Variants in AFF3 observed in about 807,000 individuals in gnomAD.
AFF3 encodes AF4/FMR2 family member 3.
AFF3 carries 32 observed loss-of-function variants against 129.7 expected under a neutral mutation model. The observed-to-expected ratio is 0.25, with a 90% CI of 0.19 to 0.33. The LOEUF is 0.33. Ranked by LOEUF, AFF3 falls within the 10% of genes least tolerant of loss-of-function variation. AFF3 has a pLI of 1.00. For synonymous variants in AFF3, 644 were observed against 635.4 expected (o/e 1.01, Z -0.20); for missense variants, 1,373 against 1,592.0 (o/e 0.86, Z 2.34).
intron 16 of AFF3, among the ~76,000 whole-genome samples, chr2:99,585,125 G>C (rs544422730): frequency 6.6e-6 from 1 of 152,146 alleles, no homozygotes; most frequent in African/African-American, 2.4e-5. Context: ...AAGATAATGC[G>C]AACAGCCTGA....
At chr2:100,046,820 T>C (rs1208098290) in intron 4 of AFF3, among the ~76,000 whole-genome samples, 1 of 152,106 alleles carries the variant, frequency 6.6e-6, no homozygotes, top group Non-Finnish European at 1.5e-5. Context: ...GCAGGTACCG[T>C]CCCTCTTGTC....
chr2:99,875,502 GA>G (rs1230133536), intron 7 of AFF3, among the ~76,000 whole-genome samples: 2 of 152,136 alleles, frequency 1.3e-5, no homozygotes, highest in Non-Finnish European at 2.9e-5. Flanking sequence ...TCTGGGTAGA[GA>G]CCTTGCATTT....
chr2:100,102,315 T>A (rs2105478645), intron 4 of AFF3, among the ~76,000 whole-genome samples: 1 of 149,420 alleles, frequency 6.7e-6, no homozygotes, highest in South Asian at 2.1e-4. Flanking sequence ...TATAAGCTTT[T>A]GTAAAATGTA....
At position 99,582,812 on chromosome 2, in the gene AFF3, C is replaced by T. The variant is rs199884902; in HGVS notation, c.2779G>A (p.Gly927Ser). The T allele has an allele frequency of 2.9e-5, 47 of 1,614,084 alleles. No individual in the cohort carries two copies. The highest frequency in any genetic ancestry group is 2.9e-4 in the East Asian group (13 of 44,874). ...PKADSQLQPH[G>S]GDLTKAAHNN... ...CATCAACAAACCGTGAGGTCTCCGC[C>T]GTGAGGCTGCAGCTGGCTGTCGGCC... Residue 927 changes from glycine (G) to serine (S), a missense_variant, in exon 17 of 25, where the codon GGC becomes AGC. Coordinates refer to ENST00000672756, the MANE Select transcript of AFF3 (RefSeq NM_001386135.1).
intron 2 of AFF3, among the ~76,000 whole-genome samples, chr2:100,127,615 T>C (rs113215361): frequency 2.3e-3 from 352 of 152,290 alleles, no homozygotes; most frequent in Non-Finnish European, 3.6e-3. Flanking sequence ...AAACAACCCC[T>C]GAGAAGAGTA....
chr2:99,661,619 A>T (rs562851311), intron 12 of AFF3, among the ~76,000 whole-genome samples: 1 of 152,352 alleles, frequency 6.6e-6, no homozygotes, highest in East Asian at 1.9e-4. Flanking sequence ...ATTCGATGAG[A>T]AAATATTTTA....
intron 2 of AFF3, among the ~76,000 whole-genome samples, chr2:100,115,141 G>T (rs765142041): frequency 2.0e-5 from 3 of 152,164 alleles, no homozygotes; most frequent in Non-Finnish European, 4.4e-5. Context: ...CAATTGCATT[G>T]TAATCACAGA....
chr2:99,830,138 G>T (rs1369264390), intron 8 of AFF3, among the ~76,000 whole-genome samples: 1 of 152,136 alleles, frequency 6.6e-6, no homozygotes, highest in Admixed American at 6.5e-5. Context: ...GGAGGGCAAG[G>T]GAGGGAGAGC....
rs1037208095 is a variant in AFF3, at chr2:99,548,924, G to C, written c.*2550C>G. On this transcript the variant is annotated 3_prime_UTR_variant, in exon 25 of 25. Coordinates refer to ENST00000672756, the MANE Select transcript of AFF3 (RefSeq NM_001386135.1). ...CGTGCTCCACAGATGAAACAAGACA[G>C]TCATAAGAACTACACGCTCTGACCA... 4.3e-6 allele frequency: 1 copy of C among 232,330 alleles called. No individual in the cohort carries two copies. Among genetic ancestry groups the C allele is most frequent in the Non-Finnish European group, 8.5e-6 (1 of 117,550 alleles). The allele number at this position is 232,330 out of a possible 1,614,324, so 14.4% of individuals were successfully genotyped here. A position where few individuals can be genotyped will look rare whatever the true frequency, so the allele number is the denominator to read the frequency against.
At chr2:100,135,944 A>G (rs1253536075) in intron 1 of AFF3, among the ~76,000 whole-genome samples, 4 of 152,150 alleles carry the variant, frequency 2.6e-5, no homozygotes, top group Non-Finnish European at 4.4e-5. Flanking sequence ...CACAGATGGG[A>G]TTTGCTGATG....
At chr2:100,021,643 C>T (rs1403560878) in intron 4 of AFF3, among the ~76,000 whole-genome samples, 4 of 152,024 alleles carry the variant, frequency 2.6e-5, no homozygotes, top group African/African-American at 9.7e-5. Flanking sequence ...CTCAACAAAC[C>T]TCCTTATTTA....
Position 99,560,324 on chromosome 2 carries a change from C to T in AFF3, c.3191+41G>A, listed in dbSNP as rs200653867. ...CACCTGGTTTGCCAATGATGGCATG[C>T]GAGGCTGGGGCTGCTATTCTAAGCG... On this transcript the variant is annotated intron_variant, in intron 21 of 24. Transcript: ENST00000672756. 1.2e-4 allele frequency: 187 copies of T among 1,601,054 alleles called. No homozygotes were observed. In the East Asian group the frequency reaches 3.3e-3, roughly 28 times the overall value.
intron 7 of AFF3, among the ~76,000 whole-genome samples, chr2:99,856,295 T>G (rs1046204958): frequency 6.6e-6 from 1 of 152,138 alleles, no homozygotes; most frequent in African/African-American, 2.4e-5. Context: ...GAACCAGAAT[T>G]TTATTACACA....
At chr2:99,584,265 C>T (rs990071438) in intron 16 of AFF3, among the ~76,000 whole-genome samples, 22 of 151,414 alleles carry the variant, frequency 1.5e-4, no homozygotes, top group Admixed American at 4.6e-4. Context: ...GTCGGGAGTT[C>T]GAGACCAGCC....
chr2:99,985,504 T>C (rs547226913), intron 7 of AFF3, among the ~76,000 whole-genome samples: 1 of 152,072 alleles, frequency 6.6e-6, no homozygotes, highest in Non-Finnish European at 1.5e-5. Context: ...TGGAGTTAGA[T>C]CAGAGAAATA....
At chr2:99,640,266 T>C (rs896798047) in intron 13 of AFF3, among the ~76,000 whole-genome samples, 2 of 152,288 alleles carry the variant, frequency 1.3e-5, no homozygotes, top group African/African-American at 4.8e-5. Flanking sequence ...ACCCATACTC[T>C]GTTATCTTCT....
At chr2:99,786,451 A>G (rs1684798827) in intron 8 of AFF3, among the ~76,000 whole-genome samples, 1 of 152,208 alleles carries the variant, frequency 6.6e-6, no homozygotes, top group African/African-American at 2.4e-5. Context: ...GAATGTTCAG[A>G]TAAAATAAAG....
chr2:99,859,293 A>G (rs1244380701), intron 7 of AFF3, among the ~76,000 whole-genome samples: 1 of 152,158 alleles, frequency 6.6e-6, no homozygotes, highest in Admixed American at 6.5e-5. Context: ...CTAGAACCAC[A>G]TCCTTTTTAG....
chr2:100,132,392 A>T lies in AFF3; in HGVS notation c.-227-3086T>A, dbSNP rs541874512. ...ACACATTTTTGTCAATCAGAAAATA[A>T]CTCTAGAAACAACAAAACAAAGCCA... On this transcript the variant is annotated intron_variant, in intron 1 of 24. Transcript: ENST00000672756. Among the ~76,000 whole-genome samples the T allele has an allele frequency of 3.3e-5, 5 of 152,296 alleles. No individual in the cohort carries two copies. The East Asian group carries it at 9.6e-4, about 29-fold the overall frequency.
Sources: gnomAD v4.1 joint callset for allele counts (sites outside exome capture counted in the v4.1 genomes callset) on GRCh38, gnomAD v4.1.1 for gene constraint, MANE v1.5 for transcripts, NCBI Gene and HGNC (gene_info 2026-07-23, HGNC 2026-07-21) for gene names.